Variants in POLM observed in about 807,000 individuals in gnomAD.
POLM encodes DNA polymerase mu.
A neutral mutation model predicts 56.7 loss-of-function variants in POLM; 52 were observed. The ratio of observed to expected loss-of-function variants is 0.92; its 90% confidence interval spans 0.73 to 1.15. The LOEUF is 1.15. Among genes scored for constraint, POLM ranks in the 50% most tolerant of loss-of-function variants. The pLI, the probability that POLM is intolerant of heterozygous loss-of-function variation, is 0.00. For synonymous variants in POLM, 273 were observed against 274.3 expected, an observed-to-expected ratio of 1.00 and a Z score of 0.05; for missense variants, 660 against 663.6, an observed-to-expected ratio of 0.99 and a Z score of 0.06.
rs1025485488 is a variant in POLM, at chr7:44,080,659, C to T, written c.372+74G>A. On this transcript the variant is annotated intron_variant, in intron 2 of 10. Coordinates refer to ENST00000242248, the MANE Select transcript of POLM (RefSeq NM_013284.4). ...ACATTGAGGCATTGCTGCCATGTCA[C>T]CTGTCCCAGCTGAGCAATGGCCTAC... 16 of 1,461,006 alleles carry T rather than the reference C, an allele frequency of 1.1e-5. No individual in the cohort carries two copies. The African/African-American group carries it at 2.1e-4, about 19-fold the overall frequency. The allele number at this position is 1,461,006 out of a possible 1,614,324, so 90.5% of individuals were successfully genotyped here. A position where few individuals can be genotyped will look rare whatever the true frequency, so the allele number is the denominator to read the frequency against.
chr7:44,079,971 C>T lies in POLM; in HGVS notation c.373-12G>A, dbSNP rs2096195103. ...CTTGGCCCAGCCACCTGGGGATGGGCAATAAACAGGTCACTGTGAGGCTGC... is the reference window on the plus strand; with the variant it reads ...CTTGGCCCAGCCACCTGGGGATGGGTAATAAACAGGTCACTGTGAGGCTGC... On this transcript the variant is annotated splice_polypyrimidine_tract_variant and intron_variant, in intron 2 of 10. Coordinates refer to ENST00000242248, the MANE Select transcript of POLM (RefSeq NM_013284.4). 6.3e-7 allele frequency: 1 copy of T among 1,587,896 alleles called. No homozygotes were observed.
In POLM at chr7:44,078,771, ACT is replaced by A; in HGVS notation, c.681_682del (p.Arg227SerfsTer25). 1 of 1,613,920 alleles carries A rather than the reference ACT, an allele frequency of 6.2e-7. No homozygotes were observed. The highest frequency in any genetic ancestry group is 8.5e-7 in the Non-Finnish European group (1 of 1,179,934). ...GGTCTGGTACCTCTCTGAGCGCCGA[ACT>A]CTCTCCACCTCCTCACACACTCCAT... On this transcript the variant is annotated frameshift_variant, in exon 5 of 11. Coordinates refer to ENST00000242248, the MANE Select transcript of POLM (RefSeq NM_013284.4). LOFTEE classifies it high-confidence loss of function.
At chr7:44,080,600 G>C in intron 2 of POLM, 133 bp downstream of exon 2, 1 of 972,916 alleles carries the variant, frequency 1.0e-6, no homozygotes, top group South Asian at 1.4e-5. Context: ...CTGGTGATCT[G>C]GGTAGAGTCT....
At position 44,082,305 on chromosome 7, in the gene POLM, GC is replaced by G. The variant is rs1337072536; in HGVS notation, c.133del (p.Ala45ProfsTer26). 1 of 1,555,194 alleles carries G rather than the reference GC, an allele frequency of 6.4e-7. No homozygotes were observed. The highest frequency in any genetic ancestry group is 1.4e-5 in the African/African-American group (1 of 70,550). On this transcript the variant is annotated frameshift_variant, in exon 1 of 11. Coordinates refer to ENST00000242248, the MANE Select transcript of POLM (RefSeq NM_013284.4). LOFTEE classifies it high-confidence loss of function. The stretch of plus-strand genomic sequence containing the variant: ...GGAGCGCGCCAGGCCTGTGAGGAAG[GC>G]CCGGCGGCTGCGACCCATGCGAGGC... ...VEPRMGRSRRAFLTGLARSKG... is the reference protein window; with the variant it reads ...VEPRMGRSRRXFLTGLARSKG...
chr7:44,081,832 G>A (rs1422562813), intron 1 of POLM, among the ~76,000 whole-genome samples: 1 of 146,150 alleles, frequency 6.8e-6, no homozygotes, highest in Non-Finnish European at 1.5e-5. Context: ...TGCAAGCTCC[G>A]CCTCCCAGGT....
chr7:44,080,430 G>T, intron 2 of POLM: 1 of 586,194 alleles, frequency 1.7e-6, no homozygotes, highest in Non-Finnish European at 3.2e-6. Flanking sequence ...GGGTCATCCC[G>T]CTCGGAGTTG....
rs756116173 is a variant in POLM, at chr7:44,079,794, C to T, written c.472-53G>A. The T allele has an allele frequency of 8.1e-6, 13 of 1,610,664 alleles. No homozygotes were observed. In the Admixed American group the frequency reaches 2.0e-4, roughly 25 times the overall value. On this transcript the variant is annotated intron_variant, in intron 3 of 10. Transcript: ENST00000242248. ...CAGGGTGGGCAGCTCCAATCCCCCACCTACCACCCATCTGTACCCTTGTCC... is the reference window on the plus strand; with the variant it reads ...CAGGGTGGGCAGCTCCAATCCCCCATCTACCACCCATCTGTACCCTTGTCC...
intron 5 of POLM, among the ~76,000 whole-genome samples, chr7:44,077,342 A>G (rs890161147): frequency 2.0e-5 from 3 of 152,180 alleles, no homozygotes; most frequent in African/African-American, 7.2e-5. Flanking sequence ...GCCTGGTGAT[A>G]CCCAGGTCGC....
Position 44,073,963 on chromosome 7 carries a change from T to G in POLM, c.1134A>C (p.Gln378His). Residue 378 changes from glutamine (Q) to histidine (H), a missense_variant, in exon 9 of 11, where the codon CAA becomes CAC. Coordinates refer to ENST00000242248, the MANE Select transcript of POLM (RefSeq NM_013284.4). ...SCCESPTRLAQQSHMDAFERS... is the reference protein window; with the variant it reads ...SCCESPTRLAHQSHMDAFERS... ...TCTCAAAAGCGTCCATGTGGCTCTG[T>G]TGGGCCAGGCGGGTAGGGGACTCAC... The G allele has an allele frequency of 6.2e-7, 1 of 1,614,186 alleles. No individual in the cohort carries two copies. The highest frequency in any genetic ancestry group is 8.5e-7 in the Non-Finnish European group (1 of 1,180,014).
chr7:44,082,068 C>T (rs924617940), intron 1 of POLM, among the ~76,000 whole-genome samples, 183 bp downstream of exon 1: 2 of 152,208 alleles, frequency 1.3e-5, no homozygotes, highest in African/African-American at 4.8e-5. Context: ...TTACCCCTGA[C>T]CTCTGGTTTT....
intron 2 of POLM, 88 bp downstream of exon 2, chr7:44,080,645 T>C (rs1012375570): frequency 1.2e-5 from 17 of 1,366,934 alleles, no homozygotes; most frequent in Non-Finnish European, 1.7e-5. Flanking sequence ...CATTGAGGCA[T>C]TGCTGCCATG....
chr7:44,080,648 C>T lies in POLM; in HGVS notation c.372+85G>A, dbSNP rs889164552. 45 of 1,388,812 alleles carry T rather than the reference C, an allele frequency of 3.2e-5. No homozygotes were observed. The Middle Eastern group carries it at 8.9e-4, about 28-fold the overall frequency. The allele number at this position is 1,388,812 out of a possible 1,614,324, so 86.0% of individuals were successfully genotyped here. On this transcript the variant is annotated intron_variant, in intron 2 of 10. Coordinates refer to ENST00000242248, the MANE Select transcript of POLM (RefSeq NM_013284.4). ...TCCTCTGAAGGACATTGAGGCATTGCTGCCATGTCACCTGTCCCAGCTGAG... is the reference window on the plus strand; with the variant it reads ...TCCTCTGAAGGACATTGAGGCATTGTTGCCATGTCACCTGTCCCAGCTGAG...
chr7:44,081,608 C>T (rs1690538687), intron 1 of POLM, among the ~76,000 whole-genome samples: 1 of 152,180 alleles, frequency 6.6e-6, no homozygotes, highest in Admixed American at 6.5e-5. Context: ...TGGTTCCCTT[C>T]CTACAAGAGC....
At position 44,074,151 on chromosome 7, in the gene POLM, T is replaced by A; in HGVS notation, c.1051A>T (p.Met351Leu). ...GQEAGLLPRV[M>L]CRLQDQGLIL... ...CTCACCTGGTCCTGCAGGCGGCACA[T>A]CACTCTAGGCAGCAGCCCCGCCTCC... is the stretch of plus-strand genomic sequence containing the variant. The change falls in exon 8 of 11, where the codon ATG (methionine) becomes TTG (leucine). Residue 351 changes from methionine (M) to leucine (L), a missense_variant. Transcript: ENST00000242248. The A allele has an allele frequency of 2.5e-6, 4 of 1,604,776 alleles. No individual in the cohort carries two copies. The highest frequency in any genetic ancestry group is 3.4e-6 in the Non-Finnish European group (4 of 1,176,896).
At chr7:44,076,870 C>A (rs1190913517) in intron 5 of POLM, 3 of 490,718 alleles carry the variant, frequency 6.1e-6, no homozygotes, top group Non-Finnish European at 1.1e-5. Flanking sequence ...GGGACTTACA[C>A]AGCTCTAGCC....
intron 5 of POLM, chr7:44,076,898 CA>C: frequency 2.4e-6 from 1 of 416,160 alleles, no homozygotes; most frequent in Non-Finnish European, 4.4e-6. Context: ...CCAACATAAT[CA>C]AAACAGTCAC....
At position 44,074,423 on chromosome 7, in the gene POLM, C is replaced by T. The variant is rs763360570; in HGVS notation, c.943G>A (p.Val315Ile). The change falls in exon 7 of 11, where the codon GTC becomes ATC. Residue 315 changes from valine (V) to isoleucine (I), a missense_variant. Coordinates refer to ENST00000242248, the MANE Select transcript of POLM (RefSeq NM_013284.4). The stretch of plus-strand genomic sequence containing the variant: ...CTGCGGAAGCCGCCGGTCAGCGTGA[C>T]GGTGGCCCCAGGCAGGGCCTGCCCC... ...AVGQALPGAT[V>I]TLTGGFRRGK... 1.2e-5 allele frequency: 19 copies of T among 1,562,128 alleles called. No individual in the cohort carries two copies. The highest frequency in any genetic ancestry group is 3.4e-4 in the Middle Eastern group (2 of 5,962).
chr7:44,077,488 A>G (rs1223707744), intron 5 of POLM, among the ~76,000 whole-genome samples: 1 of 152,248 alleles, frequency 6.6e-6, no homozygotes, highest in Non-Finnish European at 1.5e-5. Context: ...CTGACTAAAA[A>G]TGATGAGATT....
intron 1 of POLM, 74 bp downstream of exon 1, chr7:44,082,177 A>G: frequency 7.9e-7 from 1 of 1,262,906 alleles, no homozygotes; most frequent in South Asian, 1.6e-5. Context: ...CAAGACCACG[A>G]AGTGCCACTG....
Sources: gnomAD v4.1 joint callset for allele counts (sites outside exome capture counted in the v4.1 genomes callset) on GRCh38, gnomAD v4.1.1 for gene constraint, MANE v1.5 for transcripts, NCBI Gene and HGNC (gene_info 2026-07-23, HGNC 2026-07-21) for gene names.